Variants in SDCCAG8 observed in about 807,000 individuals in gnomAD.
SDCCAG8 encodes serologically defined colon cancer antigen 8.
Under a neutral mutation model 101.8 loss-of-function variants are expected in SDCCAG8, and 74 were observed. The observed-to-expected ratio is 0.73, with a 90% CI of 0.60 to 0.88. The LOEUF (loss-of-function observed/expected upper bound fraction) is 0.88. Among genes scored for constraint, SDCCAG8 ranks in the 40% least tolerant of loss-of-function variants. SDCCAG8 has a pLI of 0.00. For missense variants in SDCCAG8, 787 were observed against 822.6 expected, an observed-to-expected ratio of 0.96 and a Z score of 0.53; for synonymous variants, 281 against 292.9, an observed-to-expected ratio of 0.96 and a Z score of 0.41.
intron 12 of SDCCAG8, among the ~76,000 whole-genome samples, chr1:243,372,925 T>G (rs2147887392): frequency 6.9e-6 from 1 of 145,656 alleles, no homozygotes; most frequent in East Asian, 2.0e-4. Flanking sequence ...TATATCTATA[T>G]CTATATCTAT....
intron 16 of SDCCAG8, among the ~76,000 whole-genome samples, chr1:243,482,110 A>G (rs769612991): frequency 1.3e-5 from 2 of 152,242 alleles, no homozygotes; most frequent in Non-Finnish European, 2.9e-5. Context: ...CTTTCACAGT[A>G]TTCATAGCAA....
chr1:243,300,163 A>G (rs2071363080), intron 6 of SDCCAG8, among the ~76,000 whole-genome samples: 1 of 152,046 alleles, frequency 6.6e-6, no homozygotes, highest in African/African-American at 2.4e-5. Context: ...GTGCCTGGCC[A>G]TGAATTAATT....
chr1:243,353,309 G>A (rs182377713), intron 12 of SDCCAG8, among the ~76,000 whole-genome samples: 19 of 151,400 alleles, frequency 1.3e-4, no homozygotes, highest in African/African-American at 3.6e-4. Context: ...TGGCCAACGT[G>A]GTAAAACCGT....
At chr1:243,376,895 A>G (rs145476610) in intron 12 of SDCCAG8, among the ~76,000 whole-genome samples, 1 of 152,270 alleles carries the variant, frequency 6.6e-6, no homozygotes, top group East Asian at 1.9e-4. Flanking sequence ...TCACCCTATT[A>G]TCTATAAGAA....
At chr1:243,261,620 G>T (rs188406920) in intron 1 of SDCCAG8, among the ~76,000 whole-genome samples, 1 of 152,296 alleles carries the variant, frequency 6.6e-6, no homozygotes, top group East Asian at 1.9e-4. Flanking sequence ...AGCCAGCAGT[G>T]ATATCATCTG....
chr1:243,457,257 A>T (rs546081302), intron 16 of SDCCAG8, among the ~76,000 whole-genome samples: 1 of 152,248 alleles, frequency 6.6e-6, no homozygotes, highest in South Asian at 2.1e-4. Context: ...AAGCCATAAA[A>T]GAAGTTTCAT....
chr1:243,266,776 C>CAAAAAAAAAAAAAAA (rs566670758), intron 1 of SDCCAG8, among the ~76,000 whole-genome samples: 3 of 110,954 alleles, frequency 2.7e-5, no homozygotes, highest in Non-Finnish European at 5.3e-5. Flanking sequence ...ATTATAAATA[C>CAAAAAAAAAAAAAAA]AAAAAAAAAA....
chr1:243,359,148 T>G (rs1019506387), intron 12 of SDCCAG8, among the ~76,000 whole-genome samples: 3 of 152,204 alleles, frequency 2.0e-5, no homozygotes, highest in African/African-American at 7.2e-5. Context: ...TCCTTCCTCT[T>G]GGTGACTAGA....
At chr1:243,330,814 T>C in intron 10 of SDCCAG8, 122 bp downstream of exon 10, 1 of 892,846 alleles carries the variant, frequency 1.1e-6, no homozygotes, top group Non-Finnish European at 1.7e-6. Flanking sequence ...ATTATATAAG[T>C]AGTTAAATTT....
intron 13 of SDCCAG8, among the ~76,000 whole-genome samples, chr1:243,400,891 A>G (rs1276118650): frequency 1.3e-5 from 2 of 152,090 alleles, no homozygotes; most frequent in Admixed American, 1.3e-4. Flanking sequence ...ACTGCACTAG[A>G]TTTTATTTTC....
chr1:243,330,425 T>C (rs2149349221), intron 9 of SDCCAG8, 115 bp from the exon 10 acceptor site: 1 of 971,806 alleles, frequency 1.0e-6, no homozygotes. Flanking sequence ...ATTATTCTAA[T>C]GGGCTTTATA....
chr1:243,387,737 C>T (rs1331849727), intron 13 of SDCCAG8, among the ~76,000 whole-genome samples: 1 of 152,110 alleles, frequency 6.6e-6, no homozygotes, highest in African/African-American at 2.4e-5. Flanking sequence ...TAATTTGAAG[C>T]AAGAGTCTTG....
At chr1:243,290,650 C>G (rs1352142068) in intron 5 of SDCCAG8, among the ~76,000 whole-genome samples, 1 of 152,110 alleles carries the variant, frequency 6.6e-6, no homozygotes, top group Non-Finnish European at 1.5e-5. Flanking sequence ...TCTGAGACCC[C>G]CCTGCAGGCA....
At chr1:243,440,134 G>GAGTC (rs1292626601) in intron 16 of SDCCAG8, among the ~76,000 whole-genome samples, 1 of 152,172 alleles carries the variant, frequency 6.6e-6, no homozygotes, top group Non-Finnish European at 1.5e-5. Flanking sequence ...ACCCCTGGGT[G>GAGTC]AGTCAGTGTC....
intron 5 of SDCCAG8, among the ~76,000 whole-genome samples, chr1:243,288,910 G>T (rs974889987): frequency 2.0e-5 from 3 of 151,802 alleles, no homozygotes; most frequent in African/African-American, 7.3e-5. Flanking sequence ...GGGAGGCTGA[G>T]GCAGGAGAAT....
intron 13 of SDCCAG8, among the ~76,000 whole-genome samples, chr1:243,398,377 T>C (rs1328261398): frequency 1.3e-5 from 2 of 152,166 alleles, no homozygotes; most frequent in Non-Finnish European, 2.9e-5. Context: ...TCTTTTTTTT[T>C]AATCTGGATG....
intron 16 of SDCCAG8, among the ~76,000 whole-genome samples, chr1:243,456,644 C>G (rs1336421459): frequency 3.3e-5 from 5 of 151,924 alleles, no homozygotes; most frequent in Non-Finnish European, 5.9e-5. Flanking sequence ...GTGGGTCATT[C>G]CCAGCATTTA....
At chr1:243,404,080 T>C (rs2079586077) in intron 13 of SDCCAG8, among the ~76,000 whole-genome samples, 1 of 152,212 alleles carries the variant, frequency 6.6e-6, no homozygotes, top group Non-Finnish European at 1.5e-5. Context: ...TCTGCCTCCT[T>C]GTGTACAGAT....
chr1:243,286,552 G>A (rs1217339253), intron 5 of SDCCAG8, among the ~76,000 whole-genome samples, 155 bp downstream of exon 5: 1 of 152,208 alleles, frequency 6.6e-6, no homozygotes, highest in Admixed American at 6.5e-5. Flanking sequence ...AAACTTCACT[G>A]TGGTGGAATG....
Sources: gnomAD v4.1 joint callset for allele counts (sites outside exome capture counted in the v4.1 genomes callset) on GRCh38, gnomAD v4.1.1 for gene constraint, MANE v1.5 for transcripts, NCBI Gene and HGNC (gene_info 2026-07-23, HGNC 2026-07-21) for gene names.